The following DYNC2LI1 variants were observed in gnomAD, a reference collection of about 807,000 sequenced individuals.
DYNC2LI1 encodes cytoplasmic dynein 2 light intermediate chain 1.
In DYNC2LI1, 45 loss-of-function variants were observed where a neutral mutation model predicts 51.9. That is an observed-to-expected ratio of 0.87 (90% CI 0.68 to 1.11). The LOEUF (loss-of-function observed/expected upper bound fraction) is 1.11, where lower values mean the gene tolerates loss of function less well. Ranked by LOEUF, DYNC2LI1 falls within the 50% of genes most tolerant of loss-of-function variation. DYNC2LI1 has a pLI of 0.00. For synonymous variants in DYNC2LI1, 130 were observed against 137.8 expected (o/e 0.94, Z 0.40); for missense variants, 490 against 417.4 (o/e 1.17, Z -1.51).
downstream of DYNC2LI1, among the ~76,000 whole-genome samples, chr2:43,811,086 T>C (rs1018818603): frequency 3.3e-5 from 5 of 152,198 alleles, no homozygotes; most frequent in African/African-American, 1.2e-4. Context: ...ATATGAATAG[T>C]AGAAAATGTT....
intron 2 of DYNC2LI1, among the ~76,000 whole-genome samples, chr2:43,782,211 G>T (rs968425032): frequency 6.6e-6 from 1 of 152,016 alleles, no homozygotes; most frequent in Admixed American, 6.6e-5. Flanking sequence ...CATGTAGGTT[G>T]TTTTTAGTTT....
intron 2 of DYNC2LI1, among the ~76,000 whole-genome samples, chr2:43,779,244 C>G (rs563196300): frequency 6.6e-6 from 1 of 152,242 alleles, no homozygotes; most frequent in East Asian, 1.9e-4. Context: ...CTAGCCTGGG[C>G]AACAGAGGGA....
intron 7 of DYNC2LI1, among the ~76,000 whole-genome samples, chr2:43,796,308 G>C (rs1176164259): frequency 6.6e-6 from 1 of 150,602 alleles, no homozygotes; most frequent in East Asian, 1.9e-4. Flanking sequence ...ACTCCAGCCT[G>C]GGTTACACAG....
At chr2:43,779,363 T>C (rs1259201570) in intron 2 of DYNC2LI1, among the ~76,000 whole-genome samples, 1 of 152,238 alleles carries the variant, frequency 6.6e-6, no homozygotes, top group East Asian at 1.9e-4. Flanking sequence ...CAATTAATAG[T>C]AATCACCCTT....
the DYNC2LI1 span, chr2:43,824,090 T>G: frequency 6.2e-7 from 1 of 1,614,194 alleles, no homozygotes; most frequent in Non-Finnish European, 8.5e-7. Flanking sequence ...ACTGCCAGCT[T>G]ATTTCTCACC....
intron 5 of DYNC2LI1, chr2:43,792,996 A>C (rs1186657812): frequency 4.5e-6 from 2 of 447,228 alleles, no homozygotes; most frequent in Non-Finnish European, 7.2e-6. Context: ...CTCTTCCTTC[A>C]GTTCTTTTGG....
chr2:43,809,994 C>A lies in DYNC2LI1; in HGVS notation c.*227C>A. The A allele has an allele frequency of 8.5e-7, 1 of 1,182,914 alleles. No individual in the cohort carries two copies. The highest frequency in any genetic ancestry group is 1.1e-6 in the Non-Finnish European group (1 of 924,860). The allele number at this position is 1,182,914 out of a possible 1,614,324, so 73.3% of individuals were successfully genotyped here. ...ATTTTTTTTAAAATAAAAGAATCTT[C>A]TACTACCTACCTCTAACATGTTTAA... On this transcript the variant is annotated 3_prime_UTR_variant, in exon 13 of 13. Transcript: ENST00000260605.
At chr2:43,818,860 G>A in the DYNC2LI1 span, among the ~76,000 whole-genome samples, 1 of 152,130 alleles carries the variant, frequency 6.6e-6, no homozygotes, top group African/African-American at 2.4e-5. Context: ...GGCAGGTGGG[G>A]CTGAAATAGT....
chr2:43,828,023 C>T, the DYNC2LI1 span: 3 of 1,614,122 alleles, frequency 1.9e-6, no homozygotes, highest in Admixed American at 1.7e-5. Context: ...AGACCCGGCG[C>T]CGCTCACCCG....
the DYNC2LI1 span, among the ~76,000 whole-genome samples, chr2:43,817,327 A>T: frequency 6.0e-4 from 91 of 152,006 alleles, 1 homozygote; most frequent in East Asian, 0.017. Flanking sequence ...TCTACCAAAA[A>T]TACAAAAATT....
At chr2:43,781,245 G>A (rs1673263810) in intron 2 of DYNC2LI1, among the ~76,000 whole-genome samples, 1 of 151,772 alleles carries the variant, frequency 6.6e-6, no homozygotes, top group Non-Finnish European at 1.5e-5. Flanking sequence ...GGTGCATACT[G>A]GTAATCCCAG....
chr2:43,824,998 G>A, the DYNC2LI1 span: 2 of 1,613,924 alleles, frequency 1.2e-6, no homozygotes, highest in Non-Finnish European at 8.5e-7. Context: ...CGAAGCTCAG[G>A]ATGGCAATTT....
Position 43,789,610 on chromosome 2 carries a change from A to C in DYNC2LI1, c.232-23A>C. 4 of 1,609,420 alleles carry C rather than the reference A, an allele frequency of 2.5e-6. 1 individual carries two copies. In the Admixed American group the frequency reaches 5.0e-5, roughly 20 times the overall value. On this transcript the variant is annotated intron_variant, in intron 4 of 12. Coordinates refer to ENST00000260605, the MANE Select transcript of DYNC2LI1 (RefSeq NM_016008.4). ...TATAAGAAGTACTTAAACTTCAAAA[A>C]ATCAAAAATTTTTGTTTTTCAGCCA...
downstream of DYNC2LI1, chr2:43,810,434 G>A (rs928960719): frequency 1.7e-5 from 17 of 985,310 alleles, no homozygotes; most frequent in Middle Eastern, 5.2e-4. Flanking sequence ...CATGTGTTGC[G>A]GATAACCAGG....
chr2:43,825,315 A>G, the DYNC2LI1 span, among the ~76,000 whole-genome samples: 7 of 152,142 alleles, frequency 4.6e-5, no homozygotes, highest in Non-Finnish European at 1.0e-4. Flanking sequence ...GCATGACTGG[A>G]CCTGGGCGTA....
intron 2 of DYNC2LI1, chr2:43,781,601 C>CTTTTTTTT (rs1406731600): frequency 2.2e-5 from 3 of 133,354 alleles, no homozygotes; most frequent in African/African-American, 6.0e-5. Flanking sequence ...TCCTGATTTT[C>CTTTTTTTT]TTTTTCTTTT....
Position 43,809,742 on chromosome 2 carries a change from G to A in DYNC2LI1, c.1031G>A (p.Trp344Ter). The change falls in exon 13 of 13, where the codon TGG becomes TAG. Residue 344 changes from tryptophan (W) to a stop codon, truncating the protein, a stop_gained. Transcript: ENST00000260605. LOFTEE classifies it high-confidence loss of function. ...TACAAAAGAAGTTCTTCCAAGTCTTGGAAACAAATCGAGCTTGATTCTTGA... is the reference window on the plus strand; with the variant it reads ...TACAAAAGAAGTTCTTCCAAGTCTTAGAAACAAATCGAGCTTGATTCTTGA... ...EQYKRSSSKS[W>*]KQIELDS 2 of 1,611,764 alleles carry A rather than the reference G, an allele frequency of 1.2e-6. No homozygotes were observed. Among genetic ancestry groups the A allele is most frequent in the Non-Finnish European group, 1.7e-6 (2 of 1,179,016 alleles).
At chr2:43,822,995 C>T in the DYNC2LI1 span, 2 of 1,597,464 alleles carry the variant, frequency 1.3e-6, no homozygotes, top group Admixed American at 1.7e-5. Context: ...AAAGGGAGGG[C>T]TAGCCCAAGC....
Position 43,776,084 on chromosome 2 carries a change from G to A in DYNC2LI1, c.9-698G>A, listed in dbSNP as rs376107953. On this transcript the variant is annotated intron_variant, in intron 1 of 12. Coordinates refer to ENST00000260605, the MANE Select transcript of DYNC2LI1 (RefSeq NM_016008.4). Reference sequence around the variant, plus strand: ...AAGTTCTAGGATACATGTGCACAACGTGCAGGTTTGTTACATATGTATACA... The same window carrying A: ...AAGTTCTAGGATACATGTGCACAACATGCAGGTTTGTTACATATGTATACA... 5.9e-5 allele frequency among the ~76,000 whole-genome samples: 9 copies of A among 151,478 alleles called. 1 individual carries two copies. Among genetic ancestry groups the A allele is most frequent in the South Asian group, 2.1e-4 (1 of 4,780 alleles).
Sources: gnomAD v4.1 joint callset for allele counts (sites outside exome capture counted in the v4.1 genomes callset) on GRCh38, gnomAD v4.1.1 for gene constraint, MANE v1.5 for transcripts, NCBI Gene and HGNC (gene_info 2026-07-23, HGNC 2026-07-21) for gene names.